TNNI3K: variants seen among roughly 807,000 people sequenced by gnomAD.
TNNI3K encodes the protein TNNI3 interacting kinase, also known as serine/threonine-protein kinase TNNI3K.
TNNI3K carries 140 observed loss-of-function variants against 114.5 expected under a neutral mutation model. That is an observed-to-expected ratio of 1.22 (90% CI 1.07 to 1.41). The LOEUF (loss-of-function observed/expected upper bound fraction) is 1.41, where lower values mean the gene tolerates loss of function less well. TNNI3K is among the 40% of genes most tolerant of loss of function. TNNI3K has a pLI of 0.00. For missense variants in TNNI3K, 1,125 were observed against 1,007.6 expected, an observed-to-expected ratio of 1.12 and a Z score of -1.58; for synonymous variants, 347 against 347.5, an observed-to-expected ratio of 1.00 and a Z score of 0.02.
intron 21 of TNNI3K, among the ~76,000 whole-genome samples, chr1:74,467,877 C>G (rs1029515009): frequency 2.0e-5 from 3 of 151,968 alleles, no homozygotes; most frequent in Admixed American, 6.6e-5. Flanking sequence ...AACAAGCGCC[C>G]CAGGTGATTT....
chr1:74,323,447 A>AT (rs45524641), intron 5 of TNNI3K, among the ~76,000 whole-genome samples: 26,255 of 148,620 alleles, frequency 0.18, 2,726 homozygotes, highest in African/African-American at 0.29. Flanking sequence ...ACTAGCACAC[A>AT]TTTTTTTTTT....
chr1:74,327,958 GC>G (rs1052398169), intron 5 of TNNI3K, among the ~76,000 whole-genome samples: 1 of 151,512 alleles, frequency 6.6e-6, no homozygotes, highest in African/African-American at 2.4e-5. Context: ...TATATACCAT[GC>G]AAAAATGTTA....
chr1:74,354,310 A>G (rs911963200), intron 11 of TNNI3K, among the ~76,000 whole-genome samples, 181 bp downstream of exon 11: 1 of 152,004 alleles, frequency 6.6e-6, no homozygotes, highest in Non-Finnish European at 1.5e-5. Context: ...AGAGAAGGCA[A>G]CTCCTAGGCT....
chr1:74,449,564 A>G (rs1177068714), intron 20 of TNNI3K, among the ~76,000 whole-genome samples: 1 of 151,994 alleles, frequency 6.6e-6, no homozygotes, highest in Non-Finnish European at 1.5e-5. Context: ...AGGAAGATCT[A>G]CCAAGCAAAT....
chr1:74,483,750 T>C (rs1007508187), intron 21 of TNNI3K, among the ~76,000 whole-genome samples: 5 of 152,188 alleles, frequency 3.3e-5, no homozygotes, highest in Non-Finnish European at 7.4e-5. Context: ...TAGCAAACCA[T>C]CCTAAATCAC....
intron 4 of TNNI3K, among the ~76,000 whole-genome samples, chr1:74,255,032 C>G (rs1655185156): frequency 6.6e-6 from 1 of 152,068 alleles, no homozygotes; most frequent in Non-Finnish European, 1.5e-5. Context: ...CTGGACACTC[C>G]CAAGTCTGGG....
At chr1:74,239,676 A>C (rs936797090) in intron 2 of TNNI3K, among the ~76,000 whole-genome samples, 3 of 152,128 alleles carry the variant, frequency 2.0e-5, no homozygotes, top group African/African-American at 7.2e-5. Flanking sequence ...GTAGATGCTA[A>C]TTTCATTCAT....
At chr1:74,438,714 A>G (rs1250322094) in intron 19 of TNNI3K, among the ~76,000 whole-genome samples, 1 of 152,104 alleles carries the variant, frequency 6.6e-6, no homozygotes, top group Non-Finnish European at 1.5e-5. Flanking sequence ...TGCATCCCAG[A>G]ATGGAAACTA....
chr1:74,272,238 T>A (rs1032890929), intron 5 of TNNI3K, among the ~76,000 whole-genome samples: 3 of 151,790 alleles, frequency 2.0e-5, no homozygotes, highest in Admixed American at 6.6e-5. Context: ...AGCAAGAAAG[T>A]CAGGCAAAAT....
At chr1:74,465,599 A>G (rs931369915) in intron 21 of TNNI3K, among the ~76,000 whole-genome samples, 1 of 151,988 alleles carries the variant, frequency 6.6e-6, no homozygotes, top group Non-Finnish European at 1.5e-5. Flanking sequence ...CCCCTGCTTC[A>G]CGGCACCGGG....
intron 17 of TNNI3K, among the ~76,000 whole-genome samples, chr1:74,385,841 T>C (rs1663447210): frequency 6.6e-6 from 1 of 152,186 alleles, no homozygotes; most frequent in South Asian, 2.1e-4. Flanking sequence ...TAGCCAAATA[T>C]GAAAGTGCAT....
At chr1:74,418,992 G>T (rs975699349) in intron 17 of TNNI3K, among the ~76,000 whole-genome samples, 2 of 152,000 alleles carry the variant, frequency 1.3e-5, no homozygotes, top group African/African-American at 2.4e-5. Context: ...AATTAACAAA[G>T]AATTATTTTT....
At chr1:74,372,391 A>G (rs559540947) in intron 17 of TNNI3K, 78 of 151,968 alleles carry the variant, frequency 5.1e-4, no homozygotes, top group African/African-American at 1.6e-3. Flanking sequence ...TAGATATGAA[A>G]GATAGGAGAG....
intron 20 of TNNI3K, among the ~76,000 whole-genome samples, chr1:74,455,065 G>T (rs1667174809): frequency 6.6e-6 from 1 of 152,096 alleles, no homozygotes; most frequent in Non-Finnish European, 1.5e-5. Context: ...AGAGGAATAG[G>T]TCGCTGACCA....
At chr1:74,412,488 C>T (rs377692529) in intron 17 of TNNI3K, among the ~76,000 whole-genome samples, 2 of 152,112 alleles carry the variant, frequency 1.3e-5, no homozygotes, top group South Asian at 2.1e-4. Context: ...AGGAGGAGGA[C>T]GTGGCTGCAG....
At chr1:74,281,285 C>G (rs1656997526) in intron 5 of TNNI3K, among the ~76,000 whole-genome samples, 1 of 151,428 alleles carries the variant, frequency 6.6e-6, no homozygotes, top group Admixed American at 6.6e-5. Flanking sequence ...CCCTTGGCCT[C>G]AATTTTCTAG....
At chr1:74,365,665 A>C (rs777286082) in intron 11 of TNNI3K, among the ~76,000 whole-genome samples, 2 of 151,996 alleles carry the variant, frequency 1.3e-5, no homozygotes, top group Non-Finnish European at 2.9e-5. Flanking sequence ...TACATTATCT[A>C]TTCTCTCTGC....
rs184522500 is a variant in TNNI3K at position 74,421,861 on chromosome 1, T to G, written c.1773-14219T>G. On this transcript the variant is annotated intron_variant, in intron 17 of 24. Transcript: ENST00000326637. ...GTCACCAAACTCCCAGGTTTTCAAC[T>G]TTCTGAATGCATTTTTCCAAGTTGG... is the stretch of plus-strand genomic sequence containing the variant. Among the ~76,000 whole-genome samples, 144 of 152,060 alleles carry G rather than the reference T, an allele frequency of 9.5e-4. No individual in the cohort carries two copies. The Middle Eastern group carries it at 0.01, about 11-fold the overall frequency.
At chr1:74,331,352 A>G (rs1660193179) in intron 5 of TNNI3K, 98 bp from the exon 6 acceptor site, 4 of 1,251,914 alleles carry the variant, frequency 3.2e-6, no homozygotes, top group Admixed American at 2.3e-5. Context: ...TTAGGGTGGC[A>G]ACTCCTGATG....
Sources: allele counts gnomAD v4.1 joint callset (sites outside exome capture counted in the v4.1 genomes callset), GRCh38; gene constraint gnomAD v4.1.1; transcripts MANE v1.5; gene names NCBI Gene and HGNC (gene_info 2026-07-23, HGNC 2026-07-21).